MYO3B: variants seen among roughly 807,000 people sequenced by gnomAD.
MYO3B encodes the protein myosin IIIB.
MYO3B carries 156 observed loss-of-function variants against 174.6 expected under a neutral mutation model. The observed-to-expected ratio is 0.89, with a 90% CI of 0.78 to 1.02. The LOEUF is 1.02. Ranked by LOEUF, MYO3B falls within the 50% of genes least tolerant of loss-of-function variation. The probability of loss-of-function intolerance (pLI) is 0.00; values close to 1 mark genes in which losing one functional copy is unlikely to be tolerated. For synonymous variants in MYO3B, 563 were observed against 569.1 expected (o/e 0.99, Z 0.15); for missense variants, 1,632 against 1,639.4 (o/e 1.00, Z 0.08).
At chr2:170,360,813 G>C (rs1180026449) in intron 8 of MYO3B, among the ~76,000 whole-genome samples, 2 of 152,230 alleles carry the variant, frequency 1.3e-5, no homozygotes, top group Non-Finnish European at 2.9e-5. Flanking sequence ...TGAAGACACA[G>C]CATTCCTCTC....
intron 30 of MYO3B, among the ~76,000 whole-genome samples, chr2:170,539,284 A>G (rs1689927279): frequency 6.6e-6 from 1 of 152,186 alleles, no homozygotes; most frequent in African/African-American, 2.4e-5. Flanking sequence ...TCTATGCCCT[A>G]TGCTTTGCGT....
intron 32 of MYO3B, among the ~76,000 whole-genome samples, chr2:170,620,484 A>G (rs1695820289): frequency 1.3e-5 from 2 of 152,216 alleles, no homozygotes; most frequent in Non-Finnish European, 2.9e-5. Context: ...AGAACTGCAA[A>G]GGGTCTGAGA....
intron 7 of MYO3B, among the ~76,000 whole-genome samples, chr2:170,246,944 C>T (rs2093197609): frequency 6.6e-6 from 1 of 152,064 alleles, no homozygotes; most frequent in African/African-American, 2.4e-5. Flanking sequence ...TCTTCAACCC[C>T]CACTAAGTGG....
intron 25 of MYO3B, among the ~76,000 whole-genome samples, chr2:170,488,275 T>TTTTATTTATTTATTTATTTA (rs10684032): frequency 1.3e-5 from 2 of 151,448 alleles, no homozygotes; most frequent in African/African-American, 4.9e-5. Flanking sequence ...GTAGCAGTGG[T>TTTTATTTATTTATTTATTTA]TTTATTTATT....
intron 32 of MYO3B, among the ~76,000 whole-genome samples, chr2:170,556,781 C>G (rs1391221685): frequency 1.3e-5 from 2 of 152,226 alleles, no homozygotes; most frequent in Non-Finnish European, 2.9e-5. Context: ...CTTGGCCTCC[C>G]AAAGTGCTGG....
chr2:170,613,435 C>G (rs1695243494), intron 32 of MYO3B, among the ~76,000 whole-genome samples: 1 of 152,226 alleles, frequency 6.6e-6, no homozygotes, highest in African/African-American at 2.4e-5. Flanking sequence ...ATCCTTCCTT[C>G]TCTACTACCA....
rs538602733 is a variant in MYO3B at position 170,507,261 on chromosome 2, C to G, written c.3370+5396C>G. 1.1e-4 allele frequency among the ~76,000 whole-genome samples: 16 copies of G among 152,288 alleles called. No individual in the cohort carries two copies. The East Asian group carries it at 1.3e-3, about 13-fold the overall frequency. Reference sequence around the variant, plus strand: ...TAGCCCTCCCCATCCGCCTACCCCCCCATCTTCTAAACCTTTGTTTAACAC... The same window carrying G: ...TAGCCCTCCCCATCCGCCTACCCCCGCATCTTCTAAACCTTTGTTTAACAC... On this transcript the variant is annotated intron_variant, in intron 28 of 34. Coordinates refer to ENST00000408978, the MANE Select transcript of MYO3B (RefSeq NM_138995.5).
At chr2:170,632,630 A>G (rs377236889) in intron 32 of MYO3B, among the ~76,000 whole-genome samples, 1 of 152,192 alleles carries the variant, frequency 6.6e-6, no homozygotes, top group African/African-American at 2.4e-5. Flanking sequence ...AATAACTAAG[A>G]TCAGAGGAGA....
chr2:170,369,117 C>T, intron 8 of MYO3B, 105 bp from the exon 9 acceptor site: 1 of 948,800 alleles, frequency 1.1e-6, no homozygotes, highest in Non-Finnish European at 1.5e-6. Flanking sequence ...AACCAATGAT[C>T]AGGTTTTATA....
In MYO3B at chr2:170,250,478, G is replaced by C. The variant is rs767764578; in HGVS notation, c.749+14342G>C. 1.3e-5 allele frequency among the ~76,000 whole-genome samples: 2 copies of C among 152,178 alleles called. 1 individual carries two copies. Among genetic ancestry groups the C allele is most frequent in the Admixed American group, 1.3e-4 (2 of 15,276 alleles). On this transcript the variant is annotated intron_variant, in intron 7 of 34. Coordinates refer to ENST00000408978, the MANE Select transcript of MYO3B (RefSeq NM_138995.5). ...TGACAGGGGTGTGGCTTTTCTGTCC[G>C]GTTGCTGCTGCTGCTCAAACCCATT...
At chr2:170,288,709 T>C (rs1241490564) in intron 7 of MYO3B, among the ~76,000 whole-genome samples, 2 of 152,124 alleles carry the variant, frequency 1.3e-5, no homozygotes, top group East Asian at 1.9e-4. Flanking sequence ...ATGCCCTTTT[T>C]TTCGTTCTTT....
intron 1 of MYO3B, among the ~76,000 whole-genome samples, chr2:170,181,163 T>C (rs2092394153): frequency 6.6e-6 from 1 of 152,196 alleles, no homozygotes; most frequent in South Asian, 2.1e-4. Flanking sequence ...AATTTTTATA[T>C]GTGGTGTAAG....
chr2:170,379,661 G>C (rs1488086607), intron 9 of MYO3B, among the ~76,000 whole-genome samples: 1 of 152,144 alleles, frequency 6.6e-6, no homozygotes, highest in African/African-American at 2.4e-5. Flanking sequence ...AAACCAATTT[G>C]ATTTTTCTTT....
chr2:170,381,409 G>A (rs1256632621), intron 9 of MYO3B, among the ~76,000 whole-genome samples: 1 of 152,034 alleles, frequency 6.6e-6, no homozygotes, highest in Admixed American at 6.6e-5. Flanking sequence ...GGTATCTATA[G>A]GCATATGACC....
At chr2:170,306,973 C>A (rs1202980680) in intron 7 of MYO3B, among the ~76,000 whole-genome samples, 1 of 152,032 alleles carries the variant, frequency 6.6e-6, no homozygotes, top group Non-Finnish European at 1.5e-5. Flanking sequence ...ATTTTTTTAA[C>A]ACTTTTTATT....
In MYO3B at chr2:170,293,039, G is replaced by C. The variant is rs149258174; in HGVS notation, c.750-42346G>C. Among the ~76,000 whole-genome samples, 7 of 152,282 alleles carry C rather than the reference G, an allele frequency of 4.6e-5. No homozygotes were observed. In the East Asian group the frequency reaches 7.7e-4, roughly 17 times the overall value. ...ACACACTTGTTGCAGGGCACCATGAGGGGGAGAGGCCTCAAGGATTTGGAA... is the reference window on the plus strand; with the variant it reads ...ACACACTTGTTGCAGGGCACCATGACGGGGAGAGGCCTCAAGGATTTGGAA... On this transcript the variant is annotated intron_variant, in intron 7 of 34. Transcript: ENST00000408978.
At chr2:170,557,150 T>TA (rs1553521220) in intron 32 of MYO3B, among the ~76,000 whole-genome samples, 1 of 150,038 alleles carries the variant, frequency 6.7e-6, no homozygotes, top group Non-Finnish European at 1.5e-5. Flanking sequence ...TTATTTTTAT[T>TA]TTTTTTTGAG....
chr2:170,498,695 A>T lies in MYO3B; in HGVS notation c.3118A>T (p.Lys1040Ter). The T allele has an allele frequency of 6.3e-7, 1 of 1,592,516 alleles. No homozygotes were observed. Among genetic ancestry groups the T allele is most frequent in the South Asian group, 1.1e-5 (1 of 90,456 alleles). Residue 1040 changes from lysine (K) to a stop codon, truncating the protein, a stop_gained, in exon 26 of 35, where the codon AAA becomes TAA. Coordinates refer to ENST00000408978, the MANE Select transcript of MYO3B (RefSeq NM_138995.5). LOFTEE classifies it high-confidence loss of function. ...KSRLDHWVLG[K>*]TKVFLKYYHV... ...CAGATTAGATCACTGGGTACTGGGA[A>T]AAACAAAGGTAGTTCGTTCTTTATT...
chr2:170,513,652 TAA>T (rs1226587395), intron 28 of MYO3B, among the ~76,000 whole-genome samples: 1 of 152,216 alleles, frequency 6.6e-6, no homozygotes, highest in Non-Finnish European at 1.5e-5. Flanking sequence ...CACACCCCCT[TAA>T]AAGTTTCAGG....
Sources: gnomAD v4.1 joint callset for allele counts (sites outside exome capture counted in the v4.1 genomes callset) on GRCh38, gnomAD v4.1.1 for gene constraint, MANE v1.5 for transcripts, NCBI Gene and HGNC (gene_info 2026-07-23, HGNC 2026-07-21) for gene names.